TRA2B: variants seen among roughly 807,000 people sequenced by gnomAD.
TRA2B encodes transformer-2 protein homolog beta.
A neutral mutation model predicts 41.7 loss-of-function variants in TRA2B; 14 were observed. The ratio of observed to expected loss-of-function variants is 0.34; its 90% confidence interval spans 0.22 to 0.53. TRA2B has a LOEUF of 0.53. Among genes scored for constraint, TRA2B ranks in the 20% least tolerant of loss-of-function variants. The pLI, the probability that TRA2B is intolerant of heterozygous loss-of-function variation, is 0.95. For synonymous variants in TRA2B, 130 were observed against 128.8 expected, an observed-to-expected ratio of 1.01 and a Z score of -0.06; for missense variants, 167 against 396.8, an observed-to-expected ratio of 0.42 and a Z score of 4.92.
chr3:185,921,880 T>G (rs987599361), intron 5 of TRA2B, 131 bp downstream of exon 5: 8 of 576,860 alleles, frequency 1.4e-5, no homozygotes, highest in Non-Finnish European at 2.4e-5. Context: ...AATGCCCTAA[T>G]GAGGAGCATT....
rs1022885962 is a variant in TRA2B, at chr3:185,921,005, C to T, written c.722+99G>A. ...ACTCTGCATTTCTCGAGTAAAAGTACTAAAGCAAAGCTTTTAACAAAGGCT... is the reference window on the plus strand; with the variant it reads ...ACTCTGCATTTCTCGAGTAAAAGTATTAAAGCAAAGCTTTTAACAAAGGCT... On this transcript the variant is annotated intron_variant, in intron 6 of 8. Transcript: ENST00000453386. 4 of 1,008,686 alleles carry T rather than the reference C, an allele frequency of 4.0e-6. No individual in the cohort carries two copies. The Admixed American group carries it at 6.2e-5, about 16-fold the overall frequency. 62.5% of individuals were successfully genotyped at this position (1,008,686 alleles called of 1,614,324 possible).
intron 4 of TRA2B, 47 bp downstream of exon 4, chr3:185,923,749 G>A (rs756286596): frequency 1.3e-4 from 202 of 1,515,182 alleles, no homozygotes; most frequent in South Asian, 6.8e-4. Context: ...ATAACTTGGC[G>A]TTAACAATAG....
chr3:185,915,125 C>T lies in TRA2B; in HGVS notation c.*2590G>A, dbSNP rs532181802. Among the ~76,000 whole-genome samples the T allele has an allele frequency of 5.9e-5, 9 of 152,262 alleles. No homozygotes were observed. Among genetic ancestry groups the T allele is most frequent in the East Asian group, 1.9e-4 (1 of 5,176 alleles). On this transcript the variant is annotated 3_prime_UTR_variant, in exon 9 of 9. Transcript: ENST00000453386. ...CTGCTGTTGCTGATCTGACAGGCGG[C>T]GGAGCTCAGGCAATCCATGGCCAGG...
intron 4 of TRA2B, 133 bp downstream of exon 4, chr3:185,923,663 T>C (rs1294039070): frequency 6.5e-6 from 5 of 774,974 alleles, no homozygotes; most frequent in Non-Finnish European, 9.6e-6. Flanking sequence ...GTATCTTGAG[T>C]CTCCACAAGA....
intron 1 of TRA2B, chr3:185,935,541 G>A (rs1744316907): frequency 1.0e-6 from 1 of 985,286 alleles, no homozygotes; most frequent in African/African-American, 1.7e-5. Context: ...ACAGAGGGGT[G>A]GGGTTGTCTG....
intron 7 of TRA2B, 128 bp from the exon 8 acceptor site, chr3:185,918,566 G>A: frequency 1.8e-6 from 1 of 544,370 alleles, no homozygotes. Context: ...GAACCTTCAA[G>A]GTCTGTTTAA....
At chr3:185,937,519 C>T in intron 1 of TRA2B, 1 of 1,043,642 alleles carries the variant, frequency 9.6e-7, no homozygotes, top group Non-Finnish European at 1.2e-6. Context: ...GATATCGCTC[C>T]CCTCCCCCAA....
chr3:185,936,231 C>G (rs1366756073), intron 1 of TRA2B: 1 of 985,198 alleles, frequency 1.0e-6, no homozygotes, highest in Non-Finnish European at 1.2e-6. Flanking sequence ...ACTTTAAAAT[C>G]GCTTACTTTG....
intron 4 of TRA2B, chr3:185,923,519 A>T (rs1355165487): frequency 3.9e-6 from 1 of 254,842 alleles, no homozygotes; most frequent in Non-Finnish European, 7.4e-6. Context: ...TGACTCTAGA[A>T]TGTGAACCCA....
intron 1 of TRA2B, chr3:185,936,448 T>C (rs1260748087): frequency 4.1e-6 from 4 of 985,316 alleles, no homozygotes; most frequent in Middle Eastern, 5.2e-4. Context: ...TCCGAGTATG[T>C]AAACGCAAGG....
intron 1 of TRA2B, chr3:185,935,247 C>G (rs202039400): frequency 8.1e-6 from 8 of 985,354 alleles, no homozygotes; most frequent in Admixed American, 1.2e-4. Flanking sequence ...GAGATGAAAA[C>G]GAGATCTTAC....
chr3:185,933,758 G>A (rs935692200), intron 1 of TRA2B, among the ~76,000 whole-genome samples: 2 of 152,004 alleles, frequency 1.3e-5, no homozygotes, highest in Admixed American at 1.3e-4. Context: ...GAAATTAGTT[G>A]TAGGCCTGTG....
intron 7 of TRA2B, among the ~76,000 whole-genome samples, chr3:185,919,120 G>C (rs1743615459): frequency 6.6e-6 from 1 of 152,176 alleles, no homozygotes; most frequent in Non-Finnish European, 1.5e-5. Context: ...TGTGCTATTT[G>C]AGATGCTTAC....
In TRA2B at chr3:185,918,371, A is replaced by C. The variant is rs528429137; in HGVS notation, c.850T>G (p.Ser284Ala). 1.2e-6 allele frequency: 2 copies of C among 1,612,676 alleles called. No individual in the cohort carries two copies. Among genetic ancestry groups the C allele is most frequent in the Non-Finnish European group, 1.7e-6 (2 of 1,178,822 alleles). ...TATTAAGATAAAAACTTACGAGGTGAGTATGATCGAGATCTGGAACGTGAT... is the reference window on the plus strand; with the variant it reads ...TATTAAGATAAAAACTTACGAGGTGCGTATGATCGAGATCTGGAACGTGAT... Reference protein sequence around the residue: ...YRSRSRSRSYSPRRY With the variant: ...YRSRSRSRSYAPRRY Residue 284 changes from serine to alanine, a missense_variant, in exon 8 of 9, where the codon TCA (serine) becomes GCA (alanine). By Grantham distance (99) the Ser-to-Ala change is moderately conservative (BLOSUM62 1). This residue lies in a region of TRA2B where 30 missense variants were observed against 46.7 expected (regional missense o/e 0.64). Coordinates refer to ENST00000453386, the MANE Select transcript of TRA2B (RefSeq NM_004593.3).
intron 7 of TRA2B, 80 bp downstream of exon 7, chr3:185,919,357 T>C: frequency 8.1e-7 from 1 of 1,237,962 alleles, no homozygotes; most frequent in Non-Finnish European, 1.1e-6. Flanking sequence ...CACTTATAAT[T>C]TACCAAAACA....
At chr3:185,920,161 T>A (rs1464150218) in intron 6 of TRA2B, among the ~76,000 whole-genome samples, 2 of 152,230 alleles carry the variant, frequency 1.3e-5, no homozygotes, top group Non-Finnish European at 2.9e-5. Context: ...ACCCTTGTCA[T>A]ACTAAATTAA....
intron 1 of TRA2B, chr3:185,935,167 T>G: frequency 1.0e-6 from 1 of 985,446 alleles, no homozygotes; most frequent in Non-Finnish European, 1.2e-6. Context: ...TGCCTCTTTT[T>G]ACAAAGAAAT....
rs764556027 is a variant in TRA2B at position 185,937,878 on chromosome 3, GC to G, written c.-19del. 4 of 1,613,606 alleles carry G rather than the reference GC, an allele frequency of 2.5e-6. No homozygotes were observed. In the African/African-American group the frequency reaches 4.0e-5, roughly 16 times the overall value. On this transcript the variant is annotated 5_prime_UTR_variant, in exon 1 of 9. Coordinates refer to ENST00000453386, the MANE Select transcript of TRA2B (RefSeq NM_004593.3). ...TCGCTCATGACTCCTGGCTGCTGTC[GC>G]CGGTCGATGTGCTTCAATCGAAGCT...
chr3:185,935,888 T>A (rs1744332518), intron 1 of TRA2B: 1 of 984,802 alleles, frequency 1.0e-6, no homozygotes. Flanking sequence ...AAGCGAAGAC[T>A]CTTATGTAAG....
Sources: gnomAD v4.1 joint callset for allele counts (sites outside exome capture counted in the v4.1 genomes callset) on GRCh38, gnomAD v4.1.1 for gene constraint, gnomAD v4.1.1 regional missense constraint, MANE v1.5 for transcripts, NCBI Gene and HGNC (gene_info 2026-07-23, HGNC 2026-07-21) for gene names.